Variants in QTMAN observed in about 807,000 individuals in gnomAD.
QTMAN encodes tRNA-queuosine alpha-mannosyltransferase.
At chr2:144,220,986 C>T in the QTMAN span, among the ~76,000 whole-genome samples, 1 of 152,072 alleles carries the variant, frequency 6.6e-6, no homozygotes, top group South Asian at 2.1e-4. Flanking sequence ...GGAGTAAATG[C>T]CTGCTGGGGT....
At chr2:143,970,666 G>A in the QTMAN span, 6 of 1,583,764 alleles carry the variant, frequency 3.8e-6, no homozygotes, top group South Asian at 6.6e-5. Flanking sequence ...GGACATCTGT[G>A]AAGGTTTCTC....
chr2:143,947,206 G>T, the QTMAN span: 2 of 1,129,414 alleles, frequency 1.8e-6, no homozygotes, highest in Non-Finnish European at 2.7e-6. Context: ...AAAGTATGCT[G>T]AAAATTTATA....
At chr2:144,216,536 C>A in the QTMAN span, among the ~76,000 whole-genome samples, 1 of 152,158 alleles carries the variant, frequency 6.6e-6, no homozygotes, top group South Asian at 2.1e-4. Flanking sequence ...CTAATGATTT[C>A]CTATTATTCC....
the QTMAN span, among the ~76,000 whole-genome samples, chr2:144,168,884 C>G: frequency 1.3e-5 from 2 of 151,992 alleles, no homozygotes; most frequent in Non-Finnish European, 2.9e-5. Flanking sequence ...ACTGAAACTT[C>G]ATCATTAAGT....
At chr2:144,099,367 G>A in the QTMAN span, among the ~76,000 whole-genome samples, 6 of 152,184 alleles carry the variant, frequency 3.9e-5, no homozygotes, top group Admixed American at 6.5e-5. Context: ...AAGACAGAAT[G>A]TTATTCTAGA....
the QTMAN span, among the ~76,000 whole-genome samples, chr2:144,315,836 T>C: frequency 5.3e-5 from 8 of 152,320 alleles, no homozygotes; most frequent in African/African-American, 1.9e-4. Context: ...CCTGTCTTCA[T>C]TACCACATCC....
chr2:144,006,990 TTAATC>T, the QTMAN span: 1 of 437,302 alleles, frequency 2.3e-6, no homozygotes, highest in East Asian at 3.5e-5. Flanking sequence ...TAATTCAAAT[TTAATC>T]TAAGCACATG....
chr2:144,022,443 C>T, the QTMAN span, among the ~76,000 whole-genome samples: 1 of 151,876 alleles, frequency 6.6e-6, no homozygotes. Flanking sequence ...ATTCATGCCA[C>T]TATGCCCAAC....
the QTMAN span, among the ~76,000 whole-genome samples, chr2:144,019,482 G>GTGTGTA: frequency 7.5e-6 from 1 of 133,400 alleles, no homozygotes; most frequent in Non-Finnish European, 1.6e-5. Context: ...GTGTGTGTGT[G>GTGTGTA]TATGTAGTTT....
At chr2:144,053,402 C>A in the QTMAN span, among the ~76,000 whole-genome samples, 1 of 152,124 alleles carries the variant, frequency 6.6e-6, no homozygotes, top group Non-Finnish European at 1.5e-5. Flanking sequence ...TCATAAGATA[C>A]TCTTAGGTTT....
At chr2:144,297,195 A>G in the QTMAN span, among the ~76,000 whole-genome samples, 1 of 152,130 alleles carries the variant, frequency 6.6e-6, no homozygotes, top group Non-Finnish European at 1.5e-5. Context: ...AACCACCATC[A>G]CCCAGCTTCA....
the QTMAN span, among the ~76,000 whole-genome samples, chr2:143,986,548 T>C: frequency 1.7e-4 from 26 of 152,360 alleles, no homozygotes; most frequent in Middle Eastern, 3.4e-3. Context: ...TCTGAAATTC[T>C]TTCAGTCTGG....
the QTMAN span, among the ~76,000 whole-genome samples, chr2:144,161,155 T>C: frequency 5.3e-5 from 8 of 152,182 alleles, no homozygotes; most frequent in African/African-American, 1.2e-4. Context: ...AGACACTCCA[T>C]TGTCATGTTC....
At chr2:144,285,832 T>C in the QTMAN span, among the ~76,000 whole-genome samples, 1 of 152,204 alleles carries the variant, frequency 6.6e-6, no homozygotes, top group Non-Finnish European at 1.5e-5. Flanking sequence ...GGTAAAATGA[T>C]GTAGCCAACT....
the QTMAN span, among the ~76,000 whole-genome samples, chr2:144,054,323 T>C: frequency 2.0e-5 from 3 of 152,082 alleles, no homozygotes; most frequent in Non-Finnish European, 4.4e-5. Context: ...AAAATGATTA[T>C]AAAAAGAGAA....
the QTMAN span, among the ~76,000 whole-genome samples, chr2:144,290,701 T>C: frequency 1.6e-4 from 25 of 152,190 alleles, no homozygotes; most frequent in Non-Finnish European, 2.8e-4. Flanking sequence ...CAGAGGCACA[T>C]GCCTTTGTCA....
At chr2:144,017,539 A>G in the QTMAN span, among the ~76,000 whole-genome samples, 170 of 152,270 alleles carry the variant, frequency 1.1e-3, 2 homozygotes, top group African/African-American at 4.0e-3. Context: ...AATGGCATAA[A>G]GGGGTCTAGG....
the QTMAN span, among the ~76,000 whole-genome samples, chr2:143,956,999 G>T: frequency 7.2e-5 from 11 of 152,016 alleles, no homozygotes; most frequent in Non-Finnish European, 1.2e-4. Context: ...GATTGTATGT[G>T]GGGGGAAAAA....
the QTMAN span, among the ~76,000 whole-genome samples, chr2:144,264,366 G>C: frequency 1.3e-5 from 2 of 152,088 alleles, no homozygotes; most frequent in East Asian, 3.9e-4. Context: ...TCACCATCTG[G>C]TTCCAACTTT....
Sources: allele counts gnomAD v4.1 joint callset (sites outside exome capture counted in the v4.1 genomes callset), GRCh38; gene constraint gnomAD v4.1.1; transcripts MANE v1.5; gene names NCBI Gene and HGNC (gene_info 2026-07-23, HGNC 2026-07-21).